AHI1: variants seen among roughly 807,000 people sequenced by gnomAD.
AHI1 encodes Abelson helper integration site 1.
In AHI1, 123 loss-of-function variants were observed where a neutral mutation model predicts 149.3. The ratio of observed to expected loss-of-function variants is 0.82; its 90% CI spans 0.71 to 0.96. AHI1 has a LOEUF of 0.96. Ranked by LOEUF, AHI1 falls within the 40% of genes least tolerant of loss-of-function variation. The pLI, the probability that AHI1 is intolerant of heterozygous loss-of-function variation, is 0.00. For missense variants in AHI1, 1,439 were observed against 1,422.7 expected (o/e 1.01, Z -0.18); for synonymous variants, 475 against 459.8 (o/e 1.03, Z -0.42).
chr6:135,495,314 A>G (rs1418074376), intron 3 of AHI1: 1 of 152,214 alleles, frequency 6.6e-6, no homozygotes. Context: ...AGTCCTTACC[A>G]GTGAGGTCCA....
At chr6:135,472,044 A>AAAAAAAAAAAAAAC in intron 5 of AHI1, among the ~76,000 whole-genome samples, 1 of 149,190 alleles carries the variant, frequency 6.7e-6, no homozygotes, top group Non-Finnish European at 1.5e-5. Context: ...AAAAAAAAAA[A>AAAAAAAAAAAAAAC]AAAAAGATAT....
intron 22 of AHI1, among the ~76,000 whole-genome samples, chr6:135,400,201 T>C (rs1272186596): frequency 2.6e-5 from 4 of 152,148 alleles, no homozygotes; most frequent in African/African-American, 7.2e-5. Context: ...TTCCAAATAA[T>C]TGAAAAACAC....
chr6:135,366,640 T>C (rs953708065), intron 23 of AHI1, among the ~76,000 whole-genome samples: 3 of 152,212 alleles, frequency 2.0e-5, no homozygotes, highest in Non-Finnish European at 4.4e-5. Context: ...TATCCCCCAT[T>C]TCATTTCTAA....
intron 24 of AHI1, among the ~76,000 whole-genome samples, chr6:135,325,485 C>T (rs978002605): frequency 3.9e-5 from 6 of 152,182 alleles, no homozygotes; most frequent in East Asian, 1.9e-4. Flanking sequence ...ACCATGTTCT[C>T]GATACCATGC....
chr6:135,361,701 ATATT>A (rs1243171391), intron 23 of AHI1, among the ~76,000 whole-genome samples: 10 of 151,000 alleles, frequency 6.6e-5, no homozygotes, highest in Admixed American at 3.3e-4. Context: ...ACACGTGTGT[ATATT>A]TATACTCTAA....
intron 23 of AHI1, among the ~76,000 whole-genome samples, chr6:135,363,627 G>A (rs1309160819): frequency 2.0e-5 from 3 of 151,386 alleles, no homozygotes; most frequent in Non-Finnish European, 3.0e-5. Flanking sequence ...AGGGGCGGCC[G>A]GGCAGAGGCG....
intron 23 of AHI1, among the ~76,000 whole-genome samples, chr6:135,377,317 T>C (rs963222943): frequency 6.6e-6 from 1 of 152,166 alleles, no homozygotes; most frequent in Non-Finnish European, 1.5e-5. Context: ...AGGCCCTGAA[T>C]AGACATTTAA....
chr6:135,388,381 T>G (rs180750992), intron 23 of AHI1, among the ~76,000 whole-genome samples: 35 of 152,340 alleles, frequency 2.3e-4, no homozygotes, highest in African/African-American at 7.7e-4. Flanking sequence ...TACCATCAGC[T>G]GTGTTTATTG....
At chr6:135,467,722 T>A (rs1262661548) in intron 5 of AHI1, 88 bp from the exon 6 acceptor site, 1 of 914,504 alleles carries the variant, frequency 1.1e-6, no homozygotes, top group Non-Finnish European at 1.6e-6. Context: ...CTATGTGGAA[T>A]TATTGGGAAA....
At chr6:135,303,836 GC>G (rs1784207374) in intron 26 of AHI1, among the ~76,000 whole-genome samples, 1 of 152,116 alleles carries the variant, frequency 6.6e-6, no homozygotes. Context: ...CCAACCCTAT[GC>G]CCCCAGATCC....
intron 20 of AHI1, among the ~76,000 whole-genome samples, chr6:135,418,180 T>C (rs1782656668): frequency 6.6e-6 from 1 of 152,132 alleles, no homozygotes; most frequent in Non-Finnish European, 1.5e-5. Flanking sequence ...TCATGTACCA[T>C]GCACTAAGCA....
At chr6:135,426,244 A>C (rs1207396337) in intron 20 of AHI1, among the ~76,000 whole-genome samples, 1 of 151,744 alleles carries the variant, frequency 6.6e-6, no homozygotes, top group Non-Finnish European at 1.5e-5. Context: ...CATTACTAAC[A>C]GTGTTCTATA....
In AHI1 at chr6:135,428,687, C is replaced by T. The variant is rs778748522; in HGVS notation, c.2565G>A (p.Gly855=). ...EKIHSTLTPC[G]TFLFAGSEDG... ...CCTCACTTCCAGCAAACAGAAAAGT[C>T]CCACATGGAGTCAAAGTACTATGAA... Residue 855 remains glycine (G), a synonymous_variant, in exon 19 of 29, where the codon GGG becomes GGA. Transcript: ENST00000265602. The T allele has an allele frequency of 1.1e-5, 18 of 1,609,008 alleles. 1 individual carries two copies. In the South Asian group the frequency reaches 1.7e-4, roughly 15 times the overall value.
chr6:135,413,601 T>A lies in AHI1; in HGVS notation c.2765-2057A>T, dbSNP rs114942797. 9.5e-3 allele frequency among the ~76,000 whole-genome samples: 1,439 copies of A among 152,048 alleles called. 34 individuals are homozygous for A. The highest frequency in any genetic ancestry group is 0.033 in the African/African-American group (1,376 of 41,446). ...CTCACTCTGAGGTCCTGGCTCCATA[T>A]CTGTGTAAAAATTCTAAATGGAATC... On this transcript the variant is annotated intron_variant, in intron 20 of 28. Coordinates refer to ENST00000265602, the MANE Select transcript of AHI1 (RefSeq NM_001134831.2).
chr6:135,413,501 A>C (rs975983098), intron 20 of AHI1, among the ~76,000 whole-genome samples: 3 of 152,018 alleles, frequency 2.0e-5, no homozygotes, highest in African/African-American at 7.2e-5. Context: ...CTGTCTTTGC[A>C]GACATGATTG....
chr6:135,399,448 C>A (rs1015532576), intron 22 of AHI1, among the ~76,000 whole-genome samples: 1 of 152,082 alleles, frequency 6.6e-6, no homozygotes, highest in African/African-American at 2.4e-5. Context: ...CTTATGGTAA[C>A]CCTGGACTTC....
chr6:135,490,071 G>A (rs538508874), intron 5 of AHI1: 1 of 672,420 alleles, frequency 1.5e-6, no homozygotes, highest in African/African-American at 1.8e-5. Context: ...ATGATTCCAA[G>A]GGGATCAGGT....
chr6:135,486,471 A>T (rs961732375), intron 5 of AHI1, among the ~76,000 whole-genome samples: 1 of 152,020 alleles, frequency 6.6e-6, no homozygotes, highest in African/African-American at 2.4e-5. Flanking sequence ...TATTCAATTT[A>T]TTTGCACTAA....
At chr6:135,378,502 C>T (rs1177354433) in intron 23 of AHI1, among the ~76,000 whole-genome samples, 2 of 152,156 alleles carry the variant, frequency 1.3e-5, no homozygotes, top group East Asian at 3.8e-4. Context: ...GTGACATGCT[C>T]TATATATTCT....
Sources: gnomAD v4.1 joint callset for allele counts (sites outside exome capture counted in the v4.1 genomes callset) on GRCh38, gnomAD v4.1.1 for gene constraint, MANE v1.5 for transcripts, NCBI Gene and HGNC (gene_info 2026-07-23, HGNC 2026-07-21) for gene names.